Variants in ROBO2 observed in about 807,000 individuals in gnomAD.
ROBO2 encodes the protein roundabout homolog 2.
In ROBO2, 53 loss-of-function variants were observed where a neutral mutation model predicts 160.8. The ratio of observed to expected loss-of-function variants is 0.33; its 90% CI spans 0.26 to 0.41. The LOEUF (loss-of-function observed/expected upper bound fraction) is 0.41. ROBO2 is among the 10% of genes least tolerant of loss of function. ROBO2 has a pLI of 1.00. For missense variants in ROBO2, 1,577 were observed against 1,722.4 expected (o/e 0.92, Z 1.49); for synonymous variants, 664 against 611.7 (o/e 1.09, Z -1.26).
At chr3:76,184,922 C>T (rs1490351487) in intron 2 of ROBO2, among the ~76,000 whole-genome samples, 1 of 151,858 alleles carries the variant, frequency 6.6e-6, no homozygotes, top group Non-Finnish European at 1.5e-5. Context: ...GCATCCCCTG[C>T]AGATTGGATA....
At chr3:76,541,225 C>G (rs1359545131) in intron 2 of ROBO2, among the ~76,000 whole-genome samples, 2 of 152,138 alleles carry the variant, frequency 1.3e-5, no homozygotes, top group African/African-American at 4.8e-5. Flanking sequence ...ATAACTACTT[C>G]TTATTAGGCT....
chr3:76,825,487 G>A (rs2066493102), intron 2 of ROBO2, among the ~76,000 whole-genome samples: 1 of 150,614 alleles, frequency 6.6e-6, no homozygotes, highest in Admixed American at 6.7e-5. Context: ...TTTCCCCAGT[G>A]TTTTAATAAC....
At chr3:76,283,731 G>A (rs972017467) in intron 2 of ROBO2, among the ~76,000 whole-genome samples, 1 of 152,014 alleles carries the variant, frequency 6.6e-6, no homozygotes, top group East Asian at 1.9e-4. Flanking sequence ...ATGTACTCTT[G>A]GCTTCTGTAT....
At chr3:76,020,259 A>G (rs2066534384) in intron 2 of ROBO2, among the ~76,000 whole-genome samples, 2 of 151,852 alleles carry the variant, frequency 1.3e-5, no homozygotes, top group Non-Finnish European at 1.5e-5. Context: ...CAGTTTTCCC[A>G]TGCTTTTATT....
chr3:77,323,623 T>A (rs114865124), intron 2 of ROBO2, among the ~76,000 whole-genome samples: 23 of 152,270 alleles, frequency 1.5e-4, no homozygotes, highest in Admixed American at 3.9e-4. Context: ...TGATAAATGT[T>A]TGCAATACTG....
At chr3:76,411,033 T>A (rs2075458843) in intron 2 of ROBO2, among the ~76,000 whole-genome samples, 1 of 152,070 alleles carries the variant, frequency 6.6e-6, no homozygotes, top group African/African-American at 2.4e-5. Context: ...TTTTTAATGA[T>A]AGGTTATCAT....
intron 2 of ROBO2, among the ~76,000 whole-genome samples, chr3:76,764,348 C>T (rs2061465192): frequency 6.6e-6 from 1 of 151,690 alleles, no homozygotes; most frequent in South Asian, 2.1e-4. Flanking sequence ...TTCCTTTCTG[C>T]TCCACATTCT....
intron 2 of ROBO2, among the ~76,000 whole-genome samples, chr3:77,235,355 A>AT (rs35778905): frequency 0.023 from 3,366 of 143,726 alleles, 65 homozygotes; most frequent in African/African-American, 0.045. Flanking sequence ...AGAGGAGAAT[A>AT]TTTTTTTTTT....
intron 2 of ROBO2, among the ~76,000 whole-genome samples, chr3:76,912,574 A>T (rs747557818): frequency 6.6e-6 from 1 of 152,190 alleles, no homozygotes; most frequent in African/African-American, 2.4e-5. Flanking sequence ...TGTTCTTACA[A>T]TTTTTAATCG....
rs747933673 is a variant in ROBO2 at position 76,334,749 on chromosome 3, GTAT to G, written c.109+397148_109+397150del. On this transcript the variant is annotated intron_variant, in intron 2 of 26. Coordinates refer to the ROBO2 transcript ENST00000487694. ...CATTGAACTAAACAGAATGTGTTAA[GTAT>G]AGCATTTAGACAGCTCACTGATTCT... is the stretch of plus-strand genomic sequence containing the variant. Among the ~76,000 whole-genome samples the G allele has an allele frequency of 1.7e-4, 26 of 152,272 alleles. 1 individual carries two copies. In the Middle Eastern group the frequency reaches 0.017, roughly 100 times the overall value.
intron 2 of ROBO2, among the ~76,000 whole-genome samples, chr3:76,829,211 G>A (rs1009250821): frequency 6.6e-6 from 1 of 151,912 alleles, no homozygotes; most frequent in Non-Finnish European, 1.5e-5. Flanking sequence ...ACCTTTAATT[G>A]GCAACCTAAT....
chr3:76,396,421 G>A (rs1265042531), intron 2 of ROBO2, among the ~76,000 whole-genome samples: 4 of 152,126 alleles, frequency 2.6e-5, no homozygotes, highest in African/African-American at 9.7e-5. Flanking sequence ...ACAAGACAGG[G>A]ATGCCCTCTC....
intron 2 of ROBO2, among the ~76,000 whole-genome samples, chr3:76,344,674 CAG>C (rs1361266291): frequency 2.0e-5 from 3 of 152,054 alleles, no homozygotes; most frequent in African/African-American, 7.2e-5. Flanking sequence ...AGCCTAAAGA[CAG>C]AAATTAATCT....
At chr3:77,622,498 C>T (rs2094923162) in intron 23 of ROBO2, 66 bp downstream of exon 24, 2 of 1,289,550 alleles carry the variant, frequency 1.6e-6, no homozygotes, top group East Asian at 2.4e-5. Context: ...CAAAAGTCAA[C>T]TACTTCCTTA....
At chr3:77,059,909 T>C (rs1165492235) in intron 1 of ROBO2, among the ~76,000 whole-genome samples, 1 of 152,048 alleles carries the variant, frequency 6.6e-6, no homozygotes, top group Non-Finnish European at 1.5e-5. Context: ...CACACATACA[T>C]TTGAGACCCT....
At chr3:77,591,762 T>C (rs2094185645) in intron 17 of ROBO2, among the ~76,000 whole-genome samples, 1 of 152,180 alleles carries the variant, frequency 6.6e-6, no homozygotes, top group Non-Finnish European at 1.5e-5. Context: ...TTATCAAAAT[T>C]GTGACAAGAG....
intron 2 of ROBO2, among the ~76,000 whole-genome samples, chr3:76,643,968 C>A (rs915063865): frequency 2.0e-5 from 3 of 151,986 alleles, no homozygotes; most frequent in African/African-American, 7.3e-5. Context: ...AATTAGATGT[C>A]CTACCACAAT....
chr3:77,318,569 A>G (rs2064317663), intron 2 of ROBO2, among the ~76,000 whole-genome samples: 1 of 152,242 alleles, frequency 6.6e-6, no homozygotes. Flanking sequence ...ATAAATTAAA[A>G]TCACACATTT....
In ROBO2 at chr3:76,053,167, G is replaced by A. The variant is rs192852652; in HGVS notation, c.109+115565G>A. 3.7e-4 allele frequency among the ~76,000 whole-genome samples: 56 copies of A among 151,996 alleles called. No individual in the cohort carries two copies. The East Asian group carries it at 9.5e-3, about 26-fold the overall frequency. The stretch of plus-strand genomic sequence containing the variant: ...ATATAATCCATTGAACTTATTCAGG[G>A]TCAGTTTTGCTTTTTACGTTAAAGT... On this transcript the variant is annotated intron_variant, in intron 2 of 26. Coordinates refer to the ROBO2 transcript ENST00000487694.
Sources: allele counts gnomAD v4.1 joint callset (sites outside exome capture counted in the v4.1 genomes callset), GRCh38; gene constraint gnomAD v4.1.1; transcripts MANE v1.5; gene names NCBI Gene and HGNC (gene_info 2026-07-23, HGNC 2026-07-21).